The following CDK19 variants were observed in gnomAD, a reference collection of about 807,000 sequenced individuals.
The protein encoded by CDK19 is cyclin dependent kinase 19.
In CDK19, 20 loss-of-function variants were observed where a neutral mutation model predicts 68.3. The ratio of observed to expected loss-of-function variants is 0.29; its 90% CI spans 0.21 to 0.43. The LOEUF (loss-of-function observed/expected upper bound fraction) is 0.43. Ranked by LOEUF, CDK19 falls within the 20% of genes least tolerant of loss-of-function variation. The pLI is 1.00. For synonymous variants in CDK19, 221 were observed against 222.8 expected, an observed-to-expected ratio of 0.99 and a Z score of 0.07; for missense variants, 339 against 623.5, an observed-to-expected ratio of 0.54 and a Z score of 4.86.
At chr6:110,618,533 A>T (rs1310705325) in intron 12 of CDK19, among the ~76,000 whole-genome samples, 2 of 152,048 alleles carry the variant, frequency 1.3e-5, no homozygotes, top group African/African-American at 4.8e-5. Flanking sequence ...CTCATCCTTT[A>T]ATTCCTTCTC....
chr6:110,805,863 C>G (rs1782643456), intron 1 of CDK19, among the ~76,000 whole-genome samples: 2 of 151,874 alleles, frequency 1.3e-5, no homozygotes, highest in African/African-American at 4.8e-5. Context: ...AGAGACATGC[C>G]TTTTCCATGC....
At chr6:110,659,135 T>C (rs1036501136) in intron 4 of CDK19, among the ~76,000 whole-genome samples, 1 of 152,226 alleles carries the variant, frequency 6.6e-6, no homozygotes, top group Non-Finnish European at 1.5e-5. Flanking sequence ...GCTGGCATAA[T>C]GGTTACAGTA....
chr6:110,612,607 A>G lies in CDK19; in HGVS notation c.*1928T>C, dbSNP rs1389909240. The G allele has an allele frequency of 6.6e-6, 1 of 152,254 alleles. No individual in the cohort carries two copies. Among genetic ancestry groups the G allele is most frequent in the African/African-American group, 2.4e-5 (1 of 41,464 alleles). The allele number at this position is 152,254 out of a possible 1,614,324, so 9.4% of individuals were successfully genotyped here. On this transcript the variant is annotated 3_prime_UTR_variant, in exon 13 of 13. Coordinates refer to ENST00000368911, the MANE Select transcript of CDK19 (RefSeq NM_015076.5). ...GCACCAGGCACATGGTGAGGGTGCAATAAGCATCTGATGACCAACAGCTCT... is the reference window on the plus strand; with the variant it reads ...GCACCAGGCACATGGTGAGGGTGCAGTAAGCATCTGATGACCAACAGCTCT...
At chr6:110,713,458 C>T (rs1775119948) in intron 2 of CDK19, among the ~76,000 whole-genome samples, 2 of 127,800 alleles carry the variant, frequency 1.6e-5, no homozygotes, top group African/African-American at 5.9e-5. Context: ...AAATCCTGGG[C>T]TCAAGTGATC....
At chr6:110,736,423 G>A (rs1012750475) in intron 2 of CDK19, among the ~76,000 whole-genome samples, 1 of 152,188 alleles carries the variant, frequency 6.6e-6, no homozygotes, top group African/African-American at 2.4e-5. Flanking sequence ...TGCCAAAGAT[G>A]TACAGGATAA....
intron 2 of CDK19, among the ~76,000 whole-genome samples, chr6:110,732,508 C>T (rs547799988): frequency 6.6e-5 from 10 of 152,136 alleles, no homozygotes; most frequent in African/African-American, 1.7e-4. Flanking sequence ...TACACTCCAG[C>T]GTGGGCAACA....
At chr6:110,743,731 C>T (rs1489039952) in intron 2 of CDK19, among the ~76,000 whole-genome samples, 1 of 152,044 alleles carries the variant, frequency 6.6e-6, no homozygotes, top group Non-Finnish European at 1.5e-5. Flanking sequence ...CACACATGCC[C>T]ATGGATTCCC....
chr6:110,722,537 TA>T lies in CDK19; in HGVS notation c.204+23588del, dbSNP rs76359675. Among the ~76,000 whole-genome samples, 1,167 of 134,046 alleles carry T rather than the reference TA, an allele frequency of 8.7e-3. 3 individuals are homozygous for T. The highest frequency in any genetic ancestry group is 0.017 in the South Asian group (75 of 4,300). 87.9% of individuals were successfully genotyped at this position (134,046 alleles called of 152,430 possible). On this transcript the variant is annotated intron_variant, in intron 2 of 12. Coordinates refer to ENST00000368911, the MANE Select transcript of CDK19 (RefSeq NM_015076.5). ...AATATAGTGAGATCTCATCTTTGTT[TA>T]AAAAAAAAAAAAAAAGTTTTAAATA...
chr6:110,784,804 A>G (rs1781081953), intron 1 of CDK19, among the ~76,000 whole-genome samples: 1 of 152,044 alleles, frequency 6.6e-6, no homozygotes, highest in Non-Finnish European at 1.5e-5. Flanking sequence ...AGAATGATAT[A>G]CCCATACATG....
chr6:110,721,219 G>A (rs1775860932), intron 2 of CDK19, among the ~76,000 whole-genome samples: 1 of 152,102 alleles, frequency 6.6e-6, no homozygotes, highest in South Asian at 2.1e-4. Context: ...CAGTCTGGGT[G>A]ACAGAGTGAG....
rs921117284 is a variant in CDK19 at position 110,610,341 on chromosome 6, G to A, written c.*4194C>T. On this transcript the variant is annotated 3_prime_UTR_variant, in exon 13 of 13. Transcript: ENST00000368911. ...ATATACTACATAACATATATAAAAA[G>A]TACTTTAAATTGTTGTTAAAAAGGA... is the stretch of plus-strand genomic sequence containing the variant. The A allele has an allele frequency of 3.3e-5, 5 of 152,502 alleles. No homozygotes were observed. Among genetic ancestry groups the A allele is most frequent in the African/African-American group, 1.2e-4 (5 of 41,404 alleles). The allele number at this position is 152,502 out of a possible 1,614,324, so 9.4% of individuals were successfully genotyped here.
chr6:110,681,702 A>T (rs1772032109), intron 2 of CDK19, among the ~76,000 whole-genome samples: 1 of 152,212 alleles, frequency 6.6e-6, no homozygotes, highest in African/African-American at 2.4e-5. Context: ...TCAACATGAC[A>T]TCATACAACT....
intron 6 of CDK19, among the ~76,000 whole-genome samples, chr6:110,630,849 G>A (rs1050351807): frequency 3.9e-5 from 6 of 152,236 alleles, no homozygotes; most frequent in African/African-American, 2.4e-5. Flanking sequence ...TTGCAGCACT[G>A]TGCTAGAGTC....
At chr6:110,706,018 T>TA (rs1774437020) in intron 2 of CDK19, among the ~76,000 whole-genome samples, 1 of 151,894 alleles carries the variant, frequency 6.6e-6, no homozygotes, top group African/African-American at 2.4e-5. Context: ...ATAATAATAA[T>TA]AAAAAAAATC....
intron 2 of CDK19, among the ~76,000 whole-genome samples, chr6:110,727,430 A>G (rs12210629): frequency 0.061 from 9,279 of 152,232 alleles, 338 homozygotes; most frequent in African/African-American, 0.1. Context: ...GAATGCCTTC[A>G]ATCACAGTCT....
At chr6:110,717,526 T>C (rs1486864627) in intron 2 of CDK19, among the ~76,000 whole-genome samples, 2 of 152,212 alleles carry the variant, frequency 1.3e-5, no homozygotes, top group African/African-American at 2.4e-5. Context: ...ACTCATCTTT[T>C]CAAGACTGTC....
chr6:110,623,909 AC>A lies in CDK19; in HGVS notation c.861-548del, dbSNP rs2114644085. Among the ~76,000 whole-genome samples, 3 of 131,790 alleles carry A rather than the reference AC, an allele frequency of 2.3e-5. 1 individual carries two copies. The highest frequency in any genetic ancestry group is 7.8e-5 in the Admixed American group (1 of 12,786). 86.5% of individuals were successfully genotyped at this position (131,790 alleles called of 152,430 possible). On this transcript the variant is annotated intron_variant, in intron 8 of 12. Coordinates refer to ENST00000368911, the MANE Select transcript of CDK19 (RefSeq NM_015076.5). ...TATATATGTGTGTGTATATATATAT[AC>A]GTATATATATATACGTGTATATATA...
intron 4 of CDK19, among the ~76,000 whole-genome samples, chr6:110,639,703 A>G (rs917574647): frequency 1.3e-5 from 2 of 152,246 alleles, no homozygotes; most frequent in African/African-American, 4.8e-5. Flanking sequence ...AAATGTTTCA[A>G]TGAAAACAAA....
intron 2 of CDK19, among the ~76,000 whole-genome samples, chr6:110,696,546 G>A (rs1005800880): frequency 6.6e-6 from 1 of 152,160 alleles, no homozygotes; most frequent in African/African-American, 2.4e-5. Flanking sequence ...TTGGTAAAAA[G>A]GAGGTCAAAG....
Sources: gnomAD v4.1 joint callset for allele counts (sites outside exome capture counted in the v4.1 genomes callset) on GRCh38, gnomAD v4.1.1 for gene constraint, MANE v1.5 for transcripts, NCBI Gene and HGNC (gene_info 2026-07-23, HGNC 2026-07-21) for gene names.